Variants in CSMD1 observed in about 807,000 individuals in gnomAD.
CSMD1 encodes the protein CUB and sushi domain-containing protein 1.
Under a neutral mutation model 417.5 loss-of-function variants are expected in CSMD1, and 213 were observed. The ratio of observed to expected loss-of-function variants is 0.51; its 90% CI spans 0.46 to 0.57. The LOEUF (loss-of-function observed/expected upper bound fraction) is 0.57, where lower values mean the gene tolerates loss of function less well. Among genes scored for constraint, CSMD1 ranks in the 20% least tolerant of loss-of-function variants. CSMD1 has a pLI of 0.00. For missense variants in CSMD1, 6,923 were observed against 4,529.7 expected (o/e 1.53, Z -15.17); for synonymous variants, 2,862 against 1,736.8 (o/e 1.65, Z -16.11).
In CSMD1 at chr8:2,966,577, G is replaced by T; in HGVS notation, c.9093C>A (p.Asp3031Glu). The change falls in exon 58 of 70, where the codon GAC (aspartate) becomes GAA (glutamate). Residue 3031 changes from aspartate (D) to glutamate (E), a missense_variant. Physicochemically the swap from Asp to Glu is conservative, Grantham distance 45. Coordinates refer to ENST00000635120, the MANE Select transcript of CSMD1 (RefSeq NM_033225.6). ...ANGTWTGTAP[D>E]CTIISCGDPG... ...TGATGTCTGCTTACTAACTTGTGCA[G>T]TCGGGAGCAGTGCCTGTCCAGGTCC... is the stretch of plus-strand genomic sequence containing the variant. 2 of 1,613,406 alleles carry T rather than the reference G, an allele frequency of 1.2e-6. No individual in the cohort carries two copies. The highest frequency in any genetic ancestry group is 1.7e-6 in the Non-Finnish European group (2 of 1,179,594).
At chr8:4,764,264 C>G (rs1812302353) in intron 1 of CSMD1, among the ~76,000 whole-genome samples, 1 of 152,104 alleles carries the variant, frequency 6.6e-6, no homozygotes, top group South Asian at 2.1e-4. Flanking sequence ...AATATATTCT[C>G]TATAATATTG....
intron 37 of CSMD1, among the ~76,000 whole-genome samples, chr8:3,177,226 T>G (rs1016668230): frequency 1.3e-5 from 2 of 152,202 alleles, no homozygotes; most frequent in Admixed American, 1.3e-4. Flanking sequence ...GGGCCTCGTG[T>G]GACTCTGGAT....
intron 3 of CSMD1, among the ~76,000 whole-genome samples, chr8:4,241,838 G>T (rs1022831435): frequency 6.6e-6 from 1 of 152,106 alleles, no homozygotes; most frequent in East Asian, 1.9e-4. Context: ...AGCCTCCCAA[G>T]TATGGGGTGA....
At chr8:4,416,456 A>T (rs1349980744) in intron 3 of CSMD1, among the ~76,000 whole-genome samples, 1 of 152,102 alleles carries the variant, frequency 6.6e-6, no homozygotes, top group Non-Finnish European at 1.5e-5. Context: ...AATTATATTC[A>T]TAATAAACAC....
intron 5 of CSMD1, among the ~76,000 whole-genome samples, chr8:3,808,973 T>C (rs1800907832): frequency 6.6e-6 from 1 of 152,146 alleles, no homozygotes; most frequent in South Asian, 2.1e-4. Context: ...GCCAAGGCAC[T>C]GGTTAAACAG....
At chr8:4,230,736 TAC>T (rs1320036303) in intron 3 of CSMD1, among the ~76,000 whole-genome samples, 5 of 152,174 alleles carry the variant, frequency 3.3e-5, no homozygotes, top group Non-Finnish European at 5.9e-5. Context: ...TAAAACCGAT[TAC>T]AAGCTATTGA....
intron 1 of CSMD1, among the ~76,000 whole-genome samples, chr8:4,990,272 T>C (rs549874072): frequency 6.6e-6 from 1 of 152,308 alleles, no homozygotes; most frequent in South Asian, 2.1e-4. Context: ...TGATTTGAAG[T>C]CATAGTAATT....
At chr8:4,883,646 G>T (rs942599664) in intron 1 of CSMD1, among the ~76,000 whole-genome samples, 2 of 152,018 alleles carry the variant, frequency 1.3e-5, no homozygotes, top group African/African-American at 4.8e-5. Flanking sequence ...ATTGTAGCAT[G>T]TATTAGTACT....
At chr8:4,555,372 G>A (rs1239018319) in intron 2 of CSMD1, among the ~76,000 whole-genome samples, 3 of 152,118 alleles carry the variant, frequency 2.0e-5, no homozygotes, top group Non-Finnish European at 4.4e-5. Context: ...GAGGGACGGG[G>A]AATGTCGTGG....
intron 26 of CSMD1, among the ~76,000 whole-genome samples, chr8:3,235,614 T>C (rs1336670863): frequency 1.3e-5 from 2 of 152,206 alleles, no homozygotes; most frequent in Non-Finnish European, 2.9e-5. Flanking sequence ...CACATTGTCA[T>C]CATAGAGCAC....
At chr8:3,249,973 T>C (rs145751460) in intron 26 of CSMD1, among the ~76,000 whole-genome samples, 3 of 152,342 alleles carry the variant, frequency 2.0e-5, no homozygotes, top group East Asian at 3.9e-4. Flanking sequence ...GGTTAAAAAC[T>C]AGTGAACAGT....
intron 7 of CSMD1, among the ~76,000 whole-genome samples, chr8:3,654,622 G>T (rs779284773): frequency 6.6e-6 from 1 of 152,188 alleles, no homozygotes; most frequent in African/African-American, 2.4e-5. Flanking sequence ...TCAAAGCAGG[G>T]CAGCCTTTGA....
At chr8:3,880,567 G>C (rs1212219272) in intron 5 of CSMD1, among the ~76,000 whole-genome samples, 2 of 152,126 alleles carry the variant, frequency 1.3e-5, no homozygotes, top group Non-Finnish European at 2.9e-5. Flanking sequence ...ATTGTGAATA[G>C]CCAGTTATCT....
chr8:2,995,202 A>C (rs1248439166), intron 54 of CSMD1, among the ~76,000 whole-genome samples: 1 of 152,212 alleles, frequency 6.6e-6, no homozygotes, highest in East Asian at 1.9e-4. Context: ...AAAAGCAAAC[A>C]AAAAAATCCA....
chr8:3,889,381 T>A (rs1044985372), intron 5 of CSMD1, among the ~76,000 whole-genome samples: 1 of 147,814 alleles, frequency 6.8e-6, no homozygotes, highest in Non-Finnish European at 1.5e-5. Context: ...TTTAAAATTT[T>A]AATATTTTTT....
chr8:4,868,127 C>T lies in CSMD1; in HGVS notation c.85+126205G>A, dbSNP rs914664000. Among the ~76,000 whole-genome samples the T allele has an allele frequency of 1.9e-4, 29 of 152,034 alleles. 1 individual carries two copies. On this transcript the variant is annotated intron_variant, in intron 1 of 69. Coordinates refer to ENST00000635120, the MANE Select transcript of CSMD1 (RefSeq NM_033225.6). ...CACCAAACTGCTGTAGTTGCCTTAC[C>T]TGCAAAATTGAGAAATAATGGGTTG...
chr8:4,764,905 A>AAC (rs1554473703), intron 1 of CSMD1, among the ~76,000 whole-genome samples: 4 of 558 alleles, frequency 7.2e-3, no homozygotes, highest in Admixed American at 0.059. Context: ...CAACAACAAC[A>AAC]AAAAAAAACC....
chr8:3,224,947 C>T (rs1442629584), intron 27 of CSMD1, among the ~76,000 whole-genome samples: 3 of 152,136 alleles, frequency 2.0e-5, no homozygotes, highest in African/African-American at 7.2e-5. Context: ...GGTTTGTCAC[C>T]AAGTTGTTTT....
chr8:3,375,663 T>G (rs533177188), intron 18 of CSMD1, among the ~76,000 whole-genome samples: 1 of 152,086 alleles, frequency 6.6e-6, no homozygotes, highest in Non-Finnish European at 1.5e-5. Context: ...GGGGAGTAAA[T>G]TGGGGCAGTC....
Sources: allele counts gnomAD v4.1 joint callset (sites outside exome capture counted in the v4.1 genomes callset), GRCh38; gene constraint gnomAD v4.1.1; transcripts MANE v1.5; gene names NCBI Gene and HGNC (gene_info 2026-07-23, HGNC 2026-07-21).